ZNF407: variants seen among roughly 807,000 people sequenced by gnomAD.
ZNF407 encodes the protein zinc finger protein 407.
A neutral mutation model predicts 131.2 loss-of-function variants in ZNF407; 17 were observed. The observed-to-expected ratio is 0.13, with a 90% CI of 0.09 to 0.19. ZNF407 has a LOEUF of 0.19. Ranked by LOEUF, ZNF407 falls within the 10% of genes least tolerant of loss-of-function variation. The probability of loss-of-function intolerance (pLI) is 1.00; values close to 1 mark genes in which losing one functional copy is unlikely to be tolerated. For synonymous variants in ZNF407, 1,156 were observed against 1,062.0 expected, an observed-to-expected ratio of 1.09 and a Z score of -1.72; for missense variants, 2,681 against 2,830.6, an observed-to-expected ratio of 0.95 and a Z score of 1.20.
intron 3 of ZNF407, among the ~76,000 whole-genome samples, chr18:74,666,464 C>G (rs1032132016): frequency 4.6e-5 from 7 of 152,192 alleles, no homozygotes; most frequent in African/African-American, 1.7e-4. Context: ...CTCCATGGAG[C>G]CCAGTTGCCT....
intron 8 of ZNF407, among the ~76,000 whole-genome samples, chr18:75,030,601 A>G (rs2122221196): frequency 6.6e-6 from 1 of 152,334 alleles, no homozygotes; most frequent in African/African-American, 2.4e-5. Flanking sequence ...GCCAGGTGAC[A>G]TACTAGAGGC....
Position 74,936,392 on chromosome 18 carries a change from A to G in ZNF407, c.5428+15700A>G, listed in dbSNP as rs538927735. Among the ~76,000 whole-genome samples, 35 of 152,348 alleles carry G rather than the reference A, an allele frequency of 2.3e-4. 1 individual carries two copies. In the South Asian group the frequency reaches 5.8e-3, roughly 25 times the overall value. On this transcript the variant is annotated intron_variant, in intron 8 of 8. Transcript: ENST00000299687. ...GAATGTTTGGCCTAAAGGGTTTGAT[A>G]TAGACCCCAAATCTGACATGTTAGT...
chr18:75,060,634 T>G (rs982175209), intron 8 of ZNF407, among the ~76,000 whole-genome samples: 1 of 150,748 alleles, frequency 6.6e-6, no homozygotes, highest in African/African-American at 2.4e-5. Flanking sequence ...GCCTCCCGAG[T>G]AGCTGGGATT....
chr18:74,877,273 G>A lies in ZNF407; in HGVS notation c.4954G>A (p.Gly1652Arg). 1 of 1,613,974 alleles carries A rather than the reference G, an allele frequency of 6.2e-7. No individual in the cohort carries two copies. The highest frequency in any genetic ancestry group is 2.2e-5 in the East Asian group (1 of 44,886). Residue 1652 changes from glycine (G) to arginine (R), a missense_variant, in exon 5 of 9, where the codon GGA becomes AGA. Gly to Arg is a moderately radical substitution (Grantham distance 125, BLOSUM62 -2). Transcript: ENST00000299687. Reference protein sequence around the residue: ...ALNNHMKLHTGEKPFKCTWPT... With the variant: ...ALNNHMKLHTREKPFKCTWPT... Reference sequence around the variant, plus strand: ...GAACAACCACATGAAACTCCACACGGGAGAAAAGCCGTTTAAATGTACCTG... The same window carrying A: ...GAACAACCACATGAAACTCCACACGAGAGAAAAGCCGTTTAAATGTACCTG...
intron 3 of ZNF407, among the ~76,000 whole-genome samples, chr18:74,752,371 T>C (rs1968826564): frequency 6.6e-6 from 1 of 152,226 alleles, no homozygotes; most frequent in African/African-American, 2.4e-5. Flanking sequence ...AGAAGCTCTT[T>C]AGTTTAATTA....
At chr18:74,625,020 G>GC (rs1309868344) in intron 1 of ZNF407, among the ~76,000 whole-genome samples, 1 of 152,142 alleles carries the variant, frequency 6.6e-6, no homozygotes, top group Non-Finnish European at 1.5e-5. Context: ...ATGTCATGTG[G>GC]CCCCCACAGA....
intron 7 of ZNF407, among the ~76,000 whole-genome samples, chr18:74,905,010 C>T (rs1971576873): frequency 6.6e-6 from 1 of 152,172 alleles, no homozygotes; most frequent in Admixed American, 6.5e-5. Flanking sequence ...GGGTTTTCAA[C>T]CTTTTCTAAA....
At position 74,634,204 on chromosome 18, in the gene ZNF407, C is replaced by G; in HGVS notation, c.3185C>G (p.Thr1062Ser). ...DYYAVTRREM[T>S]RHAATEKHKM... ...TACGCGGTGACTCGTCGCGAGATGACCAGGCATGCAGCAACAGAGAAGCAC... is the reference window on the plus strand; with the variant it reads ...TACGCGGTGACTCGTCGCGAGATGAGCAGGCATGCAGCAACAGAGAAGCAC... The change falls in exon 2 of 9, where the codon ACC (threonine) becomes AGC (serine). Residue 1062 changes from threonine to serine, a missense_variant. This residue lies in a region of ZNF407 where 1,789 missense variants were observed against 1,748.7 expected (regional missense o/e 1.02). Transcript: ENST00000299687. 6.2e-7 allele frequency: 1 copy of G among 1,613,986 alleles called. No homozygotes were observed. Among genetic ancestry groups the G allele is most frequent in the Non-Finnish European group, 8.5e-7 (1 of 1,179,884 alleles).
At chr18:74,814,505 G>A (rs189074527) in intron 4 of ZNF407, among the ~76,000 whole-genome samples, 57 of 152,202 alleles carry the variant, frequency 3.7e-4, no homozygotes, top group African/African-American at 1.3e-3. Flanking sequence ...TATTTTTAAA[G>A]GATTTATTTG....
chr18:74,668,899 AG>A (rs1456409238), intron 3 of ZNF407, among the ~76,000 whole-genome samples: 3 of 152,088 alleles, frequency 2.0e-5, no homozygotes, highest in African/African-American at 7.2e-5. Flanking sequence ...TGATGTGTTT[AG>A]GATATATCAT....
chr18:74,623,219 C>A (rs1183763129), intron 1 of ZNF407, among the ~76,000 whole-genome samples: 2 of 148,316 alleles, frequency 1.3e-5, no homozygotes, highest in Admixed American at 1.3e-4. Flanking sequence ...TATGTGACTG[C>A]GTGTGTGAGT....
At chr18:74,700,557 T>C (rs185983418) in intron 3 of ZNF407, among the ~76,000 whole-genome samples, 258 of 152,276 alleles carry the variant, frequency 1.7e-3, no homozygotes, top group Admixed American at 4.1e-3. Context: ...TCTCCCTTGA[T>C]CCCCACCTCC....
At chr18:74,981,481 A>G (rs1972592861) in intron 8 of ZNF407, among the ~76,000 whole-genome samples, 1 of 152,260 alleles carries the variant, frequency 6.6e-6, no homozygotes, top group Non-Finnish European at 1.5e-5. Context: ...TTCCTGGTTC[A>G]GACAAGATTA....
At chr18:74,760,543 C>T (rs1034789896) in intron 3 of ZNF407, among the ~76,000 whole-genome samples, 1 of 152,108 alleles carries the variant, frequency 6.6e-6, no homozygotes, top group African/African-American at 2.4e-5. Context: ...TGGTGGTAAA[C>T]AGTTGCTTCT....
chr18:74,910,557 A>T (rs532043491), intron 7 of ZNF407, among the ~76,000 whole-genome samples: 33 of 152,152 alleles, frequency 2.2e-4, no homozygotes, highest in African/African-American at 6.0e-4. Context: ...TAAAGCAGTT[A>T]TGTGTAATCT....
intron 3 of ZNF407, among the ~76,000 whole-genome samples, chr18:74,645,386 T>C (rs1035798103): frequency 6.6e-6 from 1 of 152,114 alleles, no homozygotes; most frequent in Admixed American, 6.5e-5. Flanking sequence ...CTGGTGTGCA[T>C]GATTTAGGAG....
rs575629374 is a variant in ZNF407, at chr18:74,852,813, T to G, written c.4878-24384T>G. 3.9e-5 allele frequency among the ~76,000 whole-genome samples: 6 copies of G among 152,302 alleles called. No homozygotes were observed. The East Asian group carries it at 9.6e-4, about 24-fold the overall frequency. The stretch of plus-strand genomic sequence containing the variant: ...TCATAAAAAATCAATTGCAAATGAT[T>G]TTTTCAAGGTTTGTGATGTGATACT... On this transcript the variant is annotated intron_variant, in intron 4 of 8. Transcript: ENST00000299687.
At chr18:74,693,478 G>GA (rs1329750424) in intron 3 of ZNF407, among the ~76,000 whole-genome samples, 2 of 152,116 alleles carry the variant, frequency 1.3e-5, no homozygotes, top group Non-Finnish European at 2.9e-5. Context: ...TTGTTTCTCT[G>GA]AAAAATCACT....
In ZNF407 at chr18:74,915,720, T is replaced by TGTGC. The variant is rs1413858651; in HGVS notation, c.5250-4793_5250-4792insTGCG. Among the ~76,000 whole-genome samples, 14 of 84,830 alleles carry TGTGC rather than the reference T, an allele frequency of 1.7e-4. 2 individuals are homozygous for TGTGC. The highest frequency in any genetic ancestry group is 3.1e-4 in the Non-Finnish European group (12 of 39,206). 55.7% of individuals were successfully genotyped at this position (84,830 alleles called of 152,430 possible). ...GTGTGTGTGTGTGTGTGTGTGTGTG[T>TGTGC]GCTGGTATGGTGAGGTTGTATGCAG... On this transcript the variant is annotated intron_variant, in intron 7 of 8. Coordinates refer to ENST00000299687, the MANE Select transcript of ZNF407 (RefSeq NM_017757.3).
Sources: allele counts gnomAD v4.1 joint callset (sites outside exome capture counted in the v4.1 genomes callset), GRCh38; gene constraint gnomAD v4.1.1; regional missense constraint gnomAD v4.1.1; transcripts MANE v1.5; gene names NCBI Gene and HGNC (gene_info 2026-07-23, HGNC 2026-07-21).